Variants in CAPN9 observed in about 807,000 individuals in gnomAD.
The protein encoded by CAPN9 is calpain 9.
In CAPN9, 81 loss-of-function variants were observed where a neutral mutation model predicts 92.8. The ratio of observed to expected loss-of-function variants is 0.87; its 90% confidence interval spans 0.73 to 1.05. The LOEUF is 1.05. Among genes scored for constraint, CAPN9 ranks in the 50% least tolerant of loss-of-function variants. The probability of loss-of-function intolerance (pLI) is 0.00; values close to 1 mark genes in which losing one functional copy is unlikely to be tolerated. For synonymous variants in CAPN9, 304 were observed against 328.0 expected (o/e 0.93, Z 0.79); for missense variants, 848 against 866.2 (o/e 0.98, Z 0.26).
intron 7 of CAPN9, among the ~76,000 whole-genome samples, chr1:230,772,744 C>CT (rs10602900): frequency 2.3e-4 from 32 of 138,908 alleles, no homozygotes; most frequent in Non-Finnish European, 4.2e-4. Context: ...GACCCCATCT[C>CT]TTTTTTTTTT....
intron 8 of CAPN9, among the ~76,000 whole-genome samples, chr1:230,777,676 C>A (rs1247309900): frequency 4.6e-5 from 7 of 151,660 alleles, no homozygotes; most frequent in African/African-American, 1.7e-4. Context: ...GAGTGTGCCC[C>A]ACCACCCCAC....
chr1:230,791,619 G>A (rs1034732852), intron 14 of CAPN9, among the ~76,000 whole-genome samples: 4 of 152,000 alleles, frequency 2.6e-5, no homozygotes, highest in African/African-American at 7.2e-5. Flanking sequence ...TTCTTTGCTC[G>A]GGGTTCTTAG....
At chr1:230,764,376 A>G (rs960138506) in intron 4 of CAPN9, among the ~76,000 whole-genome samples, 3 of 152,194 alleles carry the variant, frequency 2.0e-5, no homozygotes, top group Admixed American at 1.3e-4. Context: ...CTCGTTCTCA[A>G]ACCTTTGGAC....
chr1:230,782,464 T>C (rs1199637979), intron 11 of CAPN9, among the ~76,000 whole-genome samples: 1 of 152,232 alleles, frequency 6.6e-6, no homozygotes, highest in African/African-American at 2.4e-5. Context: ...GCCCTTCAAG[T>C]TTTAGTCTAT....
chr1:230,798,362 T>C, intron 19 of CAPN9, 142 bp downstream of exon 19: 1 of 626,528 alleles, frequency 1.6e-6, no homozygotes, highest in East Asian at 2.7e-5. Context: ...ATAGCTAATA[T>C]TTTTGAGATA....
At chr1:230,773,655 T>C (rs372783498) in intron 7 of CAPN9, among the ~76,000 whole-genome samples, 1 of 152,122 alleles carries the variant, frequency 6.6e-6, no homozygotes. Flanking sequence ...GTCAGGCCAA[T>C]TATCTGGGTG....
intron 7 of CAPN9, among the ~76,000 whole-genome samples, chr1:230,772,804 A>G (rs141680654): frequency 1.4e-3 from 216 of 149,062 alleles, no homozygotes; most frequent in African/African-American, 5.3e-3. Context: ...AATTTTATCT[A>G]TTACAGAGCT....
At chr1:230,789,386 T>C (rs1370421971) in intron 13 of CAPN9, among the ~76,000 whole-genome samples, 2 of 149,958 alleles carry the variant, frequency 1.3e-5, no homozygotes, top group Non-Finnish European at 2.9e-5. Flanking sequence ...GGTAGGAGGA[T>C]TGCTTGAGCA....
At chr1:230,787,131 C>T (rs2102915701) in intron 12 of CAPN9, among the ~76,000 whole-genome samples, 1 of 152,326 alleles carries the variant, frequency 6.6e-6, no homozygotes, top group East Asian at 1.9e-4. Flanking sequence ...GAAACAGACT[C>T]TTGCCTTCAA....
intron 13 of CAPN9, among the ~76,000 whole-genome samples, chr1:230,788,185 C>A (rs1667740223): frequency 6.6e-6 from 1 of 152,188 alleles, no homozygotes; most frequent in African/African-American, 2.4e-5. Context: ...TAGAGCAAGC[C>A]TTGAAGAGGT....
intron 8 of CAPN9, chr1:230,776,882 G>A (rs957491384): frequency 1.2e-4 from 19 of 152,250 alleles, no homozygotes; most frequent in Non-Finnish European, 1.8e-4. Context: ...GTGGGGTGCA[G>A]TCTTGGTCCT....
At chr1:230,749,610 C>T (rs1028122894) in intron 1 of CAPN9, among the ~76,000 whole-genome samples, 6 of 152,266 alleles carry the variant, frequency 3.9e-5, no homozygotes, top group Admixed American at 6.5e-5. Context: ...CCAGAAGCAG[C>T]GGCTCTTTCT....
intron 10 of CAPN9, 66 bp downstream of exon 10, chr1:230,780,402 G>C (rs543402804): frequency 1.3e-6 from 2 of 1,598,574 alleles, no homozygotes; most frequent in Non-Finnish European, 1.7e-6. Flanking sequence ...GCTCCTCCTC[G>C]GTCTCACACC....
chr1:230,771,702 A>G (rs1666396332), intron 6 of CAPN9, among the ~76,000 whole-genome samples: 1 of 152,192 alleles, frequency 6.6e-6, no homozygotes, highest in Non-Finnish European at 1.5e-5. Context: ...AGAGAAACCC[A>G]TTTTTAGATT....
intron 3 of CAPN9, among the ~76,000 whole-genome samples, chr1:230,761,673 T>C (rs2102852077): frequency 6.6e-6 from 1 of 151,934 alleles, no homozygotes. Flanking sequence ...AATAAATGGC[T>C]CCCAAAACCA....
chr1:230,767,457 A>T, intron 4 of CAPN9, 84 bp from the exon 5 acceptor site: 1 of 1,130,776 alleles, frequency 8.8e-7, no homozygotes, highest in Non-Finnish European at 1.3e-6. Flanking sequence ...CTTCAGGCTT[A>T]GTTAGAAAAG....
intron 2 of CAPN9, among the ~76,000 whole-genome samples, chr1:230,757,975 C>T (rs1026748936): frequency 1.4e-4 from 21 of 152,140 alleles, no homozygotes; most frequent in African/African-American, 5.1e-4. Context: ...CTCTGCTCTG[C>T]ACCACCCAGA....
chr1:230,796,380 T>A (rs1363812924), intron 18 of CAPN9, among the ~76,000 whole-genome samples: 3 of 149,980 alleles, frequency 2.0e-5, no homozygotes, highest in Non-Finnish European at 3.0e-5. Flanking sequence ...ATAATAAAAT[T>A]AAATTAAATT....
chr1:230,772,928 A>G (rs1487407321), intron 7 of CAPN9, among the ~76,000 whole-genome samples: 2 of 152,050 alleles, frequency 1.3e-5, no homozygotes, highest in Non-Finnish European at 2.9e-5. Context: ...ACTAAGAACC[A>G]GGGATGTTTG....
Sources: allele counts gnomAD v4.1 joint callset (sites outside exome capture counted in the v4.1 genomes callset), GRCh38; gene constraint gnomAD v4.1.1; transcripts MANE v1.5; gene names NCBI Gene and HGNC (gene_info 2026-07-23, HGNC 2026-07-21).